The following HIP1 variants were observed in gnomAD, a reference collection of about 807,000 sequenced individuals.
HIP1 encodes huntingtin interacting protein 1.
HIP1 carries 65 observed loss-of-function variants against 147.6 expected under a neutral mutation model. The ratio of observed to expected loss-of-function variants is 0.44; its 90% CI spans 0.36 to 0.54. The LOEUF (loss-of-function observed/expected upper bound fraction) is 0.54, where lower values mean the gene tolerates loss of function less well. Among genes scored for constraint, HIP1 ranks in the 20% least tolerant of loss-of-function variants. The pLI, the probability that HIP1 is intolerant of heterozygous loss-of-function variation, is 0.00. For missense variants in HIP1, 1,061 were observed against 1,299.6 expected, an observed-to-expected ratio of 0.82 and a Z score of 2.82; for synonymous variants, 479 against 504.0, an observed-to-expected ratio of 0.95 and a Z score of 0.67.
chr7:75,607,352 C>T (rs1797266666), intron 1 of HIP1, among the ~76,000 whole-genome samples: 1 of 149,486 alleles, frequency 6.7e-6, no homozygotes, highest in Non-Finnish European at 1.5e-5. Flanking sequence ...GTCTCAGCTT[C>T]CCAGTAGCTG....
intron 1 of HIP1, among the ~76,000 whole-genome samples, chr7:75,653,600 T>C (rs962966984): frequency 5.3e-5 from 8 of 152,034 alleles, no homozygotes; most frequent in African/African-American, 1.9e-4. Flanking sequence ...GCCTTATGCT[T>C]GTAATCCCAG....
intron 1 of HIP1, among the ~76,000 whole-genome samples, chr7:75,724,241 C>T (rs1801587402): frequency 6.9e-6 from 1 of 145,816 alleles, no homozygotes; most frequent in Admixed American, 6.8e-5. Flanking sequence ...GCGTGAGCCA[C>T]CGCGCCCAGC....
At chr7:75,559,671 G>T in intron 14 of HIP1, 61 bp downstream of exon 14, 1 of 1,354,348 alleles carries the variant, frequency 7.4e-7, no homozygotes, top group East Asian at 2.4e-5. Flanking sequence ...CCTGAGTCCA[G>T]CTGGGCTCTG....
chr7:75,539,972 G>GTAGGAA (rs1794242912), intron 29 of HIP1, among the ~76,000 whole-genome samples: 1 of 152,128 alleles, frequency 6.6e-6, no homozygotes, highest in Non-Finnish European at 1.5e-5. Context: ...AGAAACCCAG[G>GTAGGAA]TAGGAAGCAA....
chr7:75,559,703 GCCC>G, intron 14 of HIP1, 26 bp downstream of exon 14: 4 of 1,195,142 alleles, frequency 3.3e-6, no homozygotes, highest in Non-Finnish European at 4.7e-6. Context: ...TGCCCCCGGG[GCCC>G]GCCCCCGCCC....
rs141481544 is a variant in HIP1 at position 75,582,256 on chromosome 7, G to A, written c.466-105C>T. 3,117 of 811,678 alleles carry A rather than the reference G, an allele frequency of 3.8e-3. 64 individuals carry two copies. The African/African-American group carries it at 0.046, about 12-fold the overall frequency. The allele number at this position is 811,678 out of a possible 1,614,324, so 50.3% of individuals were successfully genotyped here. On this transcript the variant is annotated intron_variant, in intron 5 of 30. Coordinates refer to ENST00000336926, the MANE Select transcript of HIP1 (RefSeq NM_005338.7). The stretch of plus-strand genomic sequence containing the variant: ...TGTGGTCCCAGCTACTTGGGAGGCC[G>A]AGGTGGGAGGATTGCTTGAGCCCGG...
chr7:75,662,914 A>C (rs1432148352), intron 1 of HIP1, among the ~76,000 whole-genome samples: 3 of 152,184 alleles, frequency 2.0e-5, no homozygotes, highest in African/African-American at 7.2e-5. Context: ...GGACACCAGC[A>C]CAGGTGGCTA....
At chr7:75,686,986 G>A in intron 1 of HIP1, among the ~76,000 whole-genome samples, 1 of 151,574 alleles carries the variant, frequency 6.6e-6, no homozygotes, top group East Asian at 1.9e-4. Flanking sequence ...CTCCCAGCCT[G>A]ATGAGCTTTG....
intron 1 of HIP1, among the ~76,000 whole-genome samples, chr7:75,704,395 G>A (rs879997812): frequency 3.3e-5 from 5 of 151,556 alleles, no homozygotes; most frequent in Non-Finnish European, 5.9e-5. Context: ...CAGGCGCCCA[G>A]CACCACGCCT....
chr7:75,570,914 G>A (rs1298988889), intron 8 of HIP1, among the ~76,000 whole-genome samples: 4 of 152,058 alleles, frequency 2.6e-5, no homozygotes, highest in Non-Finnish European at 4.4e-5. Context: ...GGAGGCTGAG[G>A]TAGGAGAATT....
chr7:75,599,356 C>T (rs957400912), intron 1 of HIP1, 109 bp from the exon 2 acceptor site: 1 of 840,380 alleles, frequency 1.2e-6, no homozygotes, highest in Non-Finnish European at 2.0e-6. Context: ...AGCCAACCTC[C>T]CCCAGCCCCA....
At chr7:75,681,910 A>G (rs1800087445) in intron 1 of HIP1, among the ~76,000 whole-genome samples, 1 of 151,040 alleles carries the variant, frequency 6.6e-6, no homozygotes, top group South Asian at 2.1e-4. Context: ...TCCACCCACC[A>G]TCTCCCCTGG....
Position 75,556,026 on chromosome 7 carries a change from C to T in HIP1, c.1827G>A (p.Glu609=), listed in dbSNP as rs782370253. Reference sequence around the variant, plus strand: ...GCTCGTGTCCATGTCCGTGACTTGCCTCTGTGCTGGCCAGTTTGAGCTGAG... The same window carrying T: ...GCTCGTGTCCATGTCCGTGACTTGCTTCTGTGCTGGCCAGTTTGAGCTGAG... ...QDTQLKLAST[E]ESMCQLAKDQ... Residue 609 remains glutamate, a splice_region_variant and synonymous_variant, in exon 18 of 31, where the codon GAG becomes GAA. Coordinates refer to ENST00000336926, the MANE Select transcript of HIP1 (RefSeq NM_005338.7). The T allele has an allele frequency of 3.7e-6, 6 of 1,613,998 alleles. No individual in the cohort carries two copies. The highest frequency in any genetic ancestry group is 5.1e-6 in the Non-Finnish European group (6 of 1,179,908).
chr7:75,618,255 G>C (rs1305551259), intron 1 of HIP1, among the ~76,000 whole-genome samples: 1 of 152,042 alleles, frequency 6.6e-6, no homozygotes, highest in East Asian at 1.9e-4. Context: ...GGGTTCAAGC[G>C]ATTCTCACAC....
At chr7:75,645,397 G>A (rs1008259614) in intron 1 of HIP1, among the ~76,000 whole-genome samples, 4 of 151,670 alleles carry the variant, frequency 2.6e-5, no homozygotes, top group Admixed American at 6.6e-5. Flanking sequence ...CAGCTAATTT[G>A]TGTATTTTTA....
chr7:75,733,430 C>CTTTTTTTTTT (rs56744076), intron 1 of HIP1: 1 of 132,544 alleles, frequency 7.5e-6, no homozygotes, highest in African/African-American at 2.9e-5. Context: ...TTTTCTTTTT[C>CTTTTTTTTTT]TTTTTTTTTT....
At chr7:75,577,931 C>T (rs1056487426) in intron 7 of HIP1, among the ~76,000 whole-genome samples, 1 of 152,056 alleles carries the variant, frequency 6.6e-6, no homozygotes, top group African/African-American at 2.4e-5. Flanking sequence ...GCCTGGGAGG[C>T]GGAGGTTGCA....
chr7:75,667,114 A>G (rs1291747701), intron 1 of HIP1, among the ~76,000 whole-genome samples: 3 of 152,164 alleles, frequency 2.0e-5, no homozygotes, highest in Non-Finnish European at 4.4e-5. Flanking sequence ...GACTTTCTAA[A>G]ATTAACATTA....
chr7:75,718,202 T>C (rs193048536), intron 1 of HIP1, among the ~76,000 whole-genome samples: 85 of 151,454 alleles, frequency 5.6e-4, no homozygotes, highest in African/African-American at 1.8e-3. Flanking sequence ...TAAATAAAAA[T>C]AAATTAGCTT....
Sources: gnomAD v4.1 joint callset for allele counts (sites outside exome capture counted in the v4.1 genomes callset) on GRCh38, gnomAD v4.1.1 for gene constraint, MANE v1.5 for transcripts, NCBI Gene and HGNC (gene_info 2026-07-23, HGNC 2026-07-21) for gene names.